The following BABAM2 variants were observed in gnomAD, a reference collection of about 807,000 sequenced individuals.
The protein encoded by BABAM2 is BRISC and BRCA1 A complex member 2.
Under a neutral mutation model 54.7 loss-of-function variants are expected in BABAM2, and 31 were observed. That is an observed-to-expected ratio of 0.57 (90% CI 0.43 to 0.77). The LOEUF is 0.77. Among genes scored for constraint, BABAM2 ranks in the 30% least tolerant of loss-of-function variants. The probability of loss-of-function intolerance (pLI) is 0.00; values close to 1 mark genes in which losing one functional copy is unlikely to be tolerated. For synonymous variants in BABAM2, 167 were observed against 162.9 expected (o/e 1.03, Z -0.19); for missense variants, 364 against 455.8 (o/e 0.80, Z 1.83).
intron 2 of BABAM2, among the ~76,000 whole-genome samples, chr2:27,908,712 T>G (rs1181847209): frequency 6.6e-6 from 1 of 152,172 alleles, no homozygotes; most frequent in Non-Finnish European, 1.5e-5. Flanking sequence ...CAGTATTTGA[T>G]TTTTTGTTTC....
At chr2:27,906,135 C>T (rs1212071456) in intron 2 of BABAM2, among the ~76,000 whole-genome samples, 1 of 152,102 alleles carries the variant, frequency 6.6e-6, no homozygotes, top group African/African-American at 2.4e-5. Flanking sequence ...CTAGTGTGGG[C>T]AGTGTGTGGG....
At chr2:28,198,451 C>T (rs770883524) in intron 7 of BABAM2, among the ~76,000 whole-genome samples, 5 of 152,042 alleles carry the variant, frequency 3.3e-5, no homozygotes, top group African/African-American at 9.7e-5. Flanking sequence ...CAGGCGTGAG[C>T]CACCGCGCCT....
chr2:28,178,587 A>C lies in BABAM2; in HGVS notation c.680+49207A>C, dbSNP rs566317213. Among the ~76,000 whole-genome samples, 6 of 152,194 alleles carry C rather than the reference A, an allele frequency of 3.9e-5. No homozygotes were observed. In the East Asian group the frequency reaches 1.2e-3, roughly 29 times the overall value. The stretch of plus-strand genomic sequence containing the variant: ...ATAAACAATCTAATGATGTACCTCA[A>C]GGAACTAGAAAAGCAAGAACAAACC... On this transcript the variant is annotated intron_variant, in intron 7 of 11. Transcript: ENST00000379624.
intron 7 of BABAM2, among the ~76,000 whole-genome samples, chr2:28,184,249 TCC>T (rs1280638202): frequency 1.4e-5 from 1 of 72,978 alleles, no homozygotes; most frequent in South Asian, 8.8e-4. Flanking sequence ...TCTCTCTCTC[TCC>T]CTCCCTCCCT....
chr2:28,242,822 G>T (rs1682568492), intron 9 of BABAM2, among the ~76,000 whole-genome samples: 1 of 152,058 alleles, frequency 6.6e-6, no homozygotes, highest in Non-Finnish European at 1.5e-5. Flanking sequence ...CAGTATGACT[G>T]CCTCTCACAT....
In BABAM2 at chr2:28,140,273, A is replaced by G. The variant is rs115275612; in HGVS notation, c.680+10893A>G. 7.8e-3 allele frequency among the ~76,000 whole-genome samples: 1,182 copies of G among 152,318 alleles called. 17 individuals carry two copies. The highest frequency in any genetic ancestry group is 0.027 in the African/African-American group (1,133 of 41,572). ...GATGGAAGTAGAAACCAATGTATAA[A>G]AAAGGTAGCTTAAGGTTATAAAACA... is the stretch of plus-strand genomic sequence containing the variant. On this transcript the variant is annotated intron_variant, in intron 7 of 11. Coordinates refer to ENST00000379624, the MANE Select transcript of BABAM2 (RefSeq NM_199191.3).
intron 2 of BABAM2, among the ~76,000 whole-genome samples, chr2:27,927,480 A>G (rs1223319881): frequency 6.6e-6 from 1 of 152,236 alleles, no homozygotes; most frequent in East Asian, 1.9e-4. Context: ...TAGGGCTCAT[A>G]ACAGCATGCT....
At chr2:28,131,892 T>G (rs989959630) in intron 7 of BABAM2, among the ~76,000 whole-genome samples, 2 of 152,142 alleles carry the variant, frequency 1.3e-5, no homozygotes, top group Non-Finnish European at 2.9e-5. Flanking sequence ...GTGGGCAATA[T>G]GAATATATTA....
rs559811658 is a variant in BABAM2 at position 28,280,793 on chromosome 2, ATAAT to A, written c.935-17540_935-17537del. On this transcript the variant is annotated intron_variant, in intron 10 of 11. Coordinates refer to ENST00000379624, the MANE Select transcript of BABAM2 (RefSeq NM_199191.3). ...AACCTGTTTTTCCATGGAACCAATA[ATAAT>A]TAATCTAGAATGAGCCATTTGGCCT... Among the ~76,000 whole-genome samples the A allele has an allele frequency of 2.0e-3, 302 of 152,284 alleles. 1 individual carries two copies. Among genetic ancestry groups the A allele is most frequent in the African/African-American group, 7.0e-3 (291 of 41,554 alleles).
At chr2:28,123,530 C>T in intron 6 of BABAM2, among the ~76,000 whole-genome samples, 1 of 152,164 alleles carries the variant, frequency 6.6e-6, no homozygotes, top group East Asian at 1.9e-4. Flanking sequence ...CAAATGCTGC[C>T]ATTAGTGGTT....
intron 2 of BABAM2, among the ~76,000 whole-genome samples, chr2:27,927,460 G>T (rs569087344): frequency 2.0e-5 from 3 of 152,282 alleles, no homozygotes; most frequent in Non-Finnish European, 4.4e-5. Context: ...AAAAATCTTA[G>T]TGTTGGTTAT....
chr2:28,162,052 A>T (rs1468993957), intron 7 of BABAM2, among the ~76,000 whole-genome samples: 3 of 152,200 alleles, frequency 2.0e-5, no homozygotes, highest in Non-Finnish European at 4.4e-5. Context: ...ACTAACTACT[A>T]ATTCCTAGAA....
At chr2:28,064,876 G>A (rs1466859313) in intron 6 of BABAM2, among the ~76,000 whole-genome samples, 2 of 152,074 alleles carry the variant, frequency 1.3e-5, no homozygotes, top group African/African-American at 2.4e-5. Context: ...GGTGGCGGGT[G>A]CCTGTAATCC....
At chr2:28,249,231 G>A (rs1432538969) in intron 10 of BABAM2, among the ~76,000 whole-genome samples, 1 of 151,826 alleles carries the variant, frequency 6.6e-6, no homozygotes, top group Non-Finnish European at 1.5e-5. Context: ...TGGGACTACA[G>A]GCATGTGCCA....
At position 28,237,291 on chromosome 2, in the gene BABAM2, T is replaced by C; in HGVS notation, c.770T>C (p.Leu257Pro). The C allele has an allele frequency of 6.2e-7, 1 of 1,613,294 alleles. No individual in the cohort carries two copies. Among genetic ancestry groups the C allele is most frequent in the Non-Finnish European group, 8.5e-7 (1 of 1,179,344 alleles). The change falls in exon 8 of 12, where the codon CTC (leucine) becomes CCC (proline). Residue 257 changes from leucine to proline, a missense_variant. Transcript: ENST00000379624. ...TACGTTCCTCAAGTATGCCACCTGC[T>C]CACCAACAAGGTAAAAGCAAGTCCC... Reference protein sequence around the residue: ...IDYVPQVCHLLTNKVQYVIQG... With the variant: ...IDYVPQVCHLPTNKVQYVIQG...
chr2:27,992,087 A>G (rs960973755), intron 4 of BABAM2, among the ~76,000 whole-genome samples: 6 of 152,144 alleles, frequency 3.9e-5, no homozygotes, highest in Non-Finnish European at 7.4e-5. Flanking sequence ...CCACAAATGA[A>G]GTGGTATCGC....
intron 7 of BABAM2, among the ~76,000 whole-genome samples, chr2:28,137,544 T>G (rs1670659564): frequency 1.3e-5 from 2 of 152,280 alleles, no homozygotes; most frequent in Middle Eastern, 3.4e-3. Context: ...TCCCAAAAGA[T>G]CAAGAGCTCA....
At chr2:28,328,388 G>A (rs556864340) in intron 11 of BABAM2, among the ~76,000 whole-genome samples, 1 of 152,292 alleles carries the variant, frequency 6.6e-6, no homozygotes, top group African/African-American at 2.4e-5. Context: ...AGCCTTAGAT[G>A]TTGGAACTTG....
intron 6 of BABAM2, among the ~76,000 whole-genome samples, chr2:28,062,990 T>G (rs1205572067): frequency 6.6e-6 from 1 of 152,216 alleles, no homozygotes. Flanking sequence ...CTTTTCCCCT[T>G]CTTCTTGTAG....
Sources: allele counts gnomAD v4.1 joint callset (sites outside exome capture counted in the v4.1 genomes callset), GRCh38; gene constraint gnomAD v4.1.1; transcripts MANE v1.5; gene names NCBI Gene and HGNC (gene_info 2026-07-23, HGNC 2026-07-21).